USP29: variants seen among roughly 807,000 people sequenced by gnomAD.
USP29 encodes ubiquitin carboxyl-terminal hydrolase 29.
For missense variants in USP29, 1,102 were observed against 1,069.0 expected (o/e 1.03, Z -0.43); for synonymous variants, 386 against 387.4 (o/e 1.00, Z 0.04).
At chr19:57,120,598 C>T (rs2086789426) in intron 1 of USP29, among the ~76,000 whole-genome samples, 1 of 150,808 alleles carries the variant, frequency 6.6e-6, no homozygotes. Flanking sequence ...ACCAGCCTGA[C>T]CAACAAGGTG....
intron 1 of USP29, among the ~76,000 whole-genome samples, chr19:57,121,960 GA>G (rs1431057300): frequency 6.6e-6 from 1 of 150,962 alleles, no homozygotes; most frequent in East Asian, 2.0e-4. Flanking sequence ...AAAATAGATA[GA>G]TAGATAGATA....
Position 57,131,455 on chromosome 19 carries a change from C to T in USP29, c.*11C>T, listed in dbSNP as rs536319409. 7.7e-5 allele frequency: 123 copies of T among 1,590,110 alleles called. 1 individual carries two copies. Among genetic ancestry groups the T allele is most frequent in the South Asian group, 1.2e-4 (10 of 86,922 alleles). On this transcript the variant is annotated 3_prime_UTR_variant, in exon 4 of 4. Transcript: ENST00000254181. The stretch of plus-strand genomic sequence containing the variant: ...TACAGACCTGCTTGACAGACTCACT[C>T]GGCCTCACTTCATCCTTGCAAAGAG...
At chr19:57,120,806 A>AAAAAAAAAAAAAAAAAAG (rs2086791213) in intron 1 of USP29, among the ~76,000 whole-genome samples, 1 of 146,876 alleles carries the variant, frequency 6.8e-6, no homozygotes, top group Non-Finnish European at 1.5e-5. Context: ...AAAAAAAAAA[A>AAAAAAAAAAAAAAAAAAG]AAAAAAACAG....
At position 57,131,319 on chromosome 19, in the gene USP29, TA is replaced by T; in HGVS notation, c.2645del (p.Tyr882SerfsTer11). On this transcript the variant is annotated frameshift_variant, in exon 4 of 4. Coordinates refer to ENST00000254181, the MANE Select transcript of USP29 (RefSeq NM_020903.3). LOFTEE classifies it low-confidence loss of function (END_TRUNC). ...ARLHSGYIFF[Y>X]MHNGIFEELL... is the part of the protein sequence containing the mutation. ...GCTTCACTCTGGGTATATCTTCTTT[TA>T]CATGCACAATGGGATTTTTGAGGAG... 6.2e-7 allele frequency: 1 copy of T among 1,614,210 alleles called. No individual in the cohort carries two copies. Among genetic ancestry groups the T allele is most frequent in the Non-Finnish European group, 8.5e-7 (1 of 1,180,038 alleles).
intron 3 of USP29, 119 bp from the exon 4 acceptor site, chr19:57,128,541 T>C: frequency 9.2e-7 from 1 of 1,082,280 alleles, no homozygotes; most frequent in Non-Finnish European, 1.3e-6. Context: ...AAAAGAGTAT[T>C]TTACTTAGAG....
At position 57,129,838 on chromosome 19, in the gene USP29, T is replaced by C. The variant is rs192715200; in HGVS notation, c.1163T>C (p.Met388Thr). 1 of 1,614,116 alleles carries C rather than the reference T, an allele frequency of 6.2e-7. No individual in the cohort carries two copies. Among genetic ancestry groups the C allele is most frequent in the East Asian group, 2.2e-5 (1 of 44,878 alleles). ...TGTTTAGACCAGCTGAAAGAAGACA[T>C]GGAAAAATTAAATGCCACTTTGAAT... ...GQCLDQLKED[M>T]EKLNATLNTG... Residue 388 changes from methionine (M) to threonine (T), a missense_variant, in exon 4 of 4, where the codon ATG becomes ACG. Met to Thr is a moderately conservative substitution (Grantham distance 81). Coordinates refer to ENST00000254181, the MANE Select transcript of USP29 (RefSeq NM_020903.3).
chr19:57,120,708 A>G (rs1402734980), intron 1 of USP29, among the ~76,000 whole-genome samples: 1 of 121,814 alleles, frequency 8.2e-6, no homozygotes, highest in African/African-American at 3.2e-5. Context: ...AATCACTTGA[A>G]CCCCAGAGGT....
At chr19:57,121,206 C>CT in intron 1 of USP29, among the ~76,000 whole-genome samples, 1 of 150,324 alleles carries the variant, frequency 6.7e-6, no homozygotes, top group Non-Finnish European at 1.5e-5. Flanking sequence ...GTAAAATGAT[C>CT]TTTTTGAAAC....
intron 2 of USP29, among the ~76,000 whole-genome samples, chr19:57,123,252 G>A (rs999655475): frequency 3.9e-5 from 6 of 152,122 alleles, no homozygotes; most frequent in Non-Finnish European, 2.9e-5. Flanking sequence ...ATGGTATTAA[G>A]GCATGTAAAT....
rs2086785329 is a variant in USP29, at chr19:57,119,999, A to C, written c.-498A>C. On this transcript the variant is annotated 5_prime_UTR_variant, in exon 1 of 4. Transcript: ENST00000254181. The stretch of plus-strand genomic sequence containing the variant: ...CTGTGCCCAGAACTCTTCTGTTCCC[A>C]GGAGAATCAGGGGAGTCGGCGCCGG... 1 of 152,496 alleles carries C rather than the reference A, an allele frequency of 6.6e-6. No homozygotes were observed. 9.4% of individuals were successfully genotyped at this position (152,496 alleles called of 1,614,324 possible). A position where few individuals can be genotyped will look rare whatever the true frequency, so the allele number is the denominator to read the frequency against.
In USP29 at chr19:57,129,900, C is replaced by G; in HGVS notation, c.1225C>G (p.Gln409Glu). 4 of 1,614,132 alleles carry G rather than the reference C, an allele frequency of 2.5e-6. No homozygotes were observed. Among genetic ancestry groups the G allele is most frequent in the Non-Finnish European group, 1.7e-6 (2 of 1,180,024 alleles). The change falls in exon 4 of 4, where the codon CAA becomes GAA. Residue 409 changes from glutamine to glutamate, a missense_variant. Gln to Glu is a conservative substitution (Grantham distance 29). Transcript: ENST00000254181. ...KECGDENSSP[Q>E]MHVGSAATKV... ...ATGTGGGGATGAAAATTCATCTCCA[C>G]AAATGCATGTTGGTAGTGCTGCCAC...
intron 3 of USP29, among the ~76,000 whole-genome samples, chr19:57,125,396 T>G: frequency 6.6e-6 from 1 of 152,100 alleles, no homozygotes; most frequent in East Asian, 1.9e-4. Context: ...TGTGTGGGAG[T>G]CTAAGCCTCT....
intron 3 of USP29, among the ~76,000 whole-genome samples, chr19:57,124,467 GTT>G (rs34399911): frequency 0.66 from 95,286 of 145,380 alleles, 31,335 homozygotes; most frequent in East Asian, 0.93. Flanking sequence ...TTTTTGTGGG[GTT>G]TTTTTTTTGG....
Position 57,131,171 on chromosome 19 carries a change from C to A in USP29, c.2496C>A (p.Ile832=). The A allele has an allele frequency of 6.2e-7, 1 of 1,614,178 alleles. No homozygotes were observed. The highest frequency in any genetic ancestry group is 8.5e-7 in the Non-Finnish European group (1 of 1,180,032). ...GACTCATCAGTGTTGTCAGCCATAT[C>A]GGGAGCTCCCCAAATTCAGGCCATT... ...AYRLISVVSH[I]GSSPNSGHYI... Residue 832 remains isoleucine, a synonymous_variant, in exon 4 of 4, where the codon ATC becomes ATA. Transcript: ENST00000254181.
Position 57,131,490 on chromosome 19 carries a change from C to T in USP29, c.*46C>T, listed in dbSNP as rs764380526. ...TCATCCTTGCAAAGAGAATCCTGTA[C>T]TTCATCCTTGCAAAGAGAATCCTGT... On this transcript the variant is annotated 3_prime_UTR_variant, in exon 4 of 4. Coordinates refer to ENST00000254181, the MANE Select transcript of USP29 (RefSeq NM_020903.3). 14 of 1,535,942 alleles carry T rather than the reference C, an allele frequency of 9.1e-6. No individual in the cohort carries two copies. Among genetic ancestry groups the T allele is most frequent in the Non-Finnish European group, 9.6e-6 (11 of 1,145,394 alleles).
chr19:57,131,041 C>A lies in USP29; in HGVS notation c.2366C>A (p.Ser789Tyr), dbSNP rs143977125. 1,035 of 1,614,068 alleles carry A rather than the reference C, an allele frequency of 6.4e-4. 3 individuals carry two copies. Among genetic ancestry groups the A allele is most frequent in the Non-Finnish European group, 8.2e-4 (969 of 1,179,992 alleles). ...CTGAATCACCTTGGGGCACTGGGTT[C>A]TGACAACCCAGGAAACAAAAACATT... ...ADLNHLGALG[S>Y]DNPGNKNILD... The change falls in exon 4 of 4, where the codon TCT becomes TAT. Residue 789 changes from serine (S) to tyrosine (Y), a missense_variant. Ser to Tyr is a moderately radical substitution (Grantham distance 144). Coordinates refer to ENST00000254181, the MANE Select transcript of USP29 (RefSeq NM_020903.3).
At position 57,130,609 on chromosome 19, in the gene USP29, T is replaced by C. The variant is rs563272011; in HGVS notation, c.1934T>C (p.Leu645Pro). The change falls in exon 4 of 4, where the codon CTT becomes CCT. Residue 645 changes from leucine (L) to proline (P), a missense_variant. Leu to Pro is a moderately conservative substitution (Grantham distance 98, BLOSUM62 -3). Coordinates refer to ENST00000254181, the MANE Select transcript of USP29 (RefSeq NM_020903.3). ...FRDRAIGEKE[L>P]PVADSLMDQG... ...GATAGGGCAATCGGTGAAAAGGAGC[T>C]TCCAGTGGCTGACTCACTGATGGAC... 3.8e-5 allele frequency: 61 copies of C among 1,614,132 alleles called. 1 individual carries two copies. The South Asian group carries it at 6.7e-4, about 18-fold the overall frequency.
chr19:57,119,603 A>G (rs2086782681), upstream of USP29, among the ~76,000 whole-genome samples: 1 of 152,078 alleles, frequency 6.6e-6, no homozygotes, highest in East Asian at 1.9e-4. Context: ...TTGTATTTTT[A>G]GTAGAGACGG....
chr19:57,119,534 T>G (rs557226266), upstream of USP29, among the ~76,000 whole-genome samples: 1 of 152,192 alleles, frequency 6.6e-6, no homozygotes, highest in Non-Finnish European at 1.5e-5. Flanking sequence ...GCGATTCTCC[T>G]GCCTCAGCCT....
Sources: gnomAD v4.1 joint callset for allele counts (sites outside exome capture counted in the v4.1 genomes callset) on GRCh38, gnomAD v4.1.1 for gene constraint, MANE v1.5 for transcripts, NCBI Gene and HGNC (gene_info 2026-07-23, HGNC 2026-07-21) for gene names.